The following PXDN variants were observed in gnomAD, a reference collection of about 807,000 sequenced individuals.
PXDN encodes peroxidasin homolog.
PXDN carries 77 observed loss-of-function variants against 140.3 expected under a neutral mutation model. That is an observed-to-expected ratio of 0.55 (90% confidence interval 0.46 to 0.66). The LOEUF (loss-of-function observed/expected upper bound fraction) is 0.66. PXDN is among the 30% of genes least tolerant of loss of function. The pLI is 0.00. For missense variants in PXDN, 1,838 were observed against 2,039.5 expected (o/e 0.90, Z 1.90); for synonymous variants, 911 against 857.4 (o/e 1.06, Z -1.09).
rs755687776 is a variant in PXDN at position 1,663,671 on chromosome 2, C to G, written c.1501G>C (p.Glu501Gln). The G allele has an allele frequency of 6.2e-7, 1 of 1,613,900 alleles. No individual in the cohort carries two copies. The highest frequency in any genetic ancestry group is 1.1e-5 in the South Asian group (1 of 91,094). Residue 501 changes from glutamate to glutamine, a missense_variant, in exon 12 of 23, where the codon GAA (glutamate) becomes CAA (glutamine). Glu to Gln is a conservative substitution (Grantham distance 29). Coordinates refer to ENST00000252804, the MANE Select transcript of PXDN (RefSeq NM_012293.3). ...GVALHDQGQY[E>Q]CQAVNIIGSQ... is the part of the protein sequence containing the mutation. ...CCGATGATGTTGACAGCCTGGCATTCGTACTGGCCCTGGTCGTGGAGGGCA... is the reference window on the plus strand; with the variant it reads ...CCGATGATGTTGACAGCCTGGCATTGGTACTGGCCCTGGTCGTGGAGGGCA...
At chr2:1,663,821 TCA>T in intron 11 of PXDN, 58 bp from the exon 12 acceptor site, 1 of 1,578,054 alleles carries the variant, frequency 6.3e-7, no homozygotes, top group East Asian at 2.2e-5. Context: ...ACTCCTGCTC[TCA>T]GACTGACAGC....
rs1232587395 is a variant in PXDN, at chr2:1,635,466, T to C, written c.4262A>G (p.Glu1421Gly). ...STTECVDAGGESHANNTKWKK... is the reference protein window; with the variant it reads ...STTECVDAGGGSHANNTKWKK... ...CCACTTGGTGTTGTTGGCGTGAGAT[T>C]CGCCCCCGGCATCCACGCACTCTGT... The change falls in exon 22 of 23, where the codon GAA (glutamate) becomes GGA (glycine). Residue 1421 changes from glutamate to glycine, a missense_variant. Transcript: ENST00000252804. The C allele has an allele frequency of 1.2e-6, 2 of 1,602,910 alleles. No individual in the cohort carries two copies. Among genetic ancestry groups the C allele is most frequent in the Admixed American group, 1.7e-5 (1 of 58,450 alleles).
intron 1 of PXDN, among the ~76,000 whole-genome samples, chr2:1,720,719 C>CTGCATCTCTT (rs1685028451): frequency 4.4e-4 from 10 of 22,656 alleles, no homozygotes; most frequent in East Asian, 1.6e-3. Flanking sequence ...CTCTCTCTCT[C>CTGCATCTCTT]TCTCTCACAC....
rs961596144 is a variant in PXDN at position 1,634,064 on chromosome 2, T to G, written c.*140A>C. 17 of 1,346,996 alleles carry G rather than the reference T, an allele frequency of 1.3e-5. No homozygotes were observed. The African/African-American group carries it at 2.3e-4, about 18-fold the overall frequency. 83.4% of individuals were successfully genotyped at this position (1,346,996 alleles called of 1,614,324 possible). ...GTTGGAAGCCTCCTGCACTGCCTTC[T>G]GTAACAGCACCAGCTGGACGTTGTC... On this transcript the variant is annotated 3_prime_UTR_variant, in exon 23 of 23. Coordinates refer to ENST00000252804, the MANE Select transcript of PXDN (RefSeq NM_012293.3).
intron 6 of PXDN, among the ~76,000 whole-genome samples, chr2:1,681,150 C>A (rs1020174418): frequency 2.0e-5 from 3 of 152,084 alleles, no homozygotes; most frequent in Admixed American, 6.6e-5. Context: ...GGCCTGTGCA[C>A]TGGGAGGGGT....
Position 1,648,296 on chromosome 2 carries a change from C to A in PXDN, c.3484G>T (p.Gly1162Cys). 1 of 1,613,902 alleles carries A rather than the reference C, an allele frequency of 6.2e-7. No homozygotes were observed. Among genetic ancestry groups the A allele is most frequent in the Non-Finnish European group, 8.5e-7 (1 of 1,179,880 alleles). The change falls in exon 17 of 23, where the codon GGC becomes TGC. Residue 1162 changes from glycine to cysteine, a missense_variant. Around this residue, in one of 5 missense-constraint regions of PXDN, gnomAD observed 850 missense variants for 894.1 expected, o/e 0.95. Transcript: ENST00000252804. This position sits in a 1 kb window ranked among gnomAD's most constrained non-coding sequence, Gnocchi z 8.9. ...LDLAAINIQR[G>C]RDHGIPPYHD... is the part of the protein sequence containing the mutation. ...TAGGGTGGGATCCCGTGGTCCCGGC[C>A]CCGCTGGATGTTGATGGCCGCCAGG...
At chr2:1,741,378 C>G (rs1685539721) in intron 1 of PXDN, among the ~76,000 whole-genome samples, 1 of 152,154 alleles carries the variant, frequency 6.6e-6, no homozygotes, top group Non-Finnish European at 1.5e-5. Flanking sequence ...AGGGGAGGCG[C>G]TCTGCAGGAG....
chr2:1,636,239 C>G (rs1325051052), intron 21 of PXDN: 1 of 153,750 alleles, frequency 6.5e-6, no homozygotes, highest in African/African-American at 2.4e-5. Flanking sequence ...GCATTTGAAC[C>G]TAAACTGTCT....
At chr2:1,674,169 C>T (rs1356199309) in intron 8 of PXDN, among the ~76,000 whole-genome samples, 1 of 152,158 alleles carries the variant, frequency 6.6e-6, no homozygotes, top group Non-Finnish European at 1.5e-5. Flanking sequence ...AGGGTAGAAA[C>T]ATTTTTACAT....
chr2:1,639,596 G>A lies in PXDN; in HGVS notation c.3953-174C>T, dbSNP rs1682666961. On this transcript the variant is annotated intron_variant, in intron 19 of 22. Transcript: ENST00000252804. This position sits in a 1 kb window ranked among gnomAD's most constrained non-coding sequence, Gnocchi z 5.0. ...CGGCTCTTACCCTCTCCTGGTCTGAGGGGCCAAGCCTCTCTCCACCTGTGC... is the reference window on the plus strand; with the variant it reads ...CGGCTCTTACCCTCTCCTGGTCTGAAGGGCCAAGCCTCTCTCCACCTGTGC... Among the ~76,000 whole-genome samples the A allele has an allele frequency of 6.6e-6, 1 of 151,886 alleles. No individual in the cohort carries two copies. The highest frequency in any genetic ancestry group is 1.5e-5 in the Non-Finnish European group (1 of 68,026).
chr2:1,741,762 C>T (rs958336635), intron 1 of PXDN, among the ~76,000 whole-genome samples: 1 of 152,102 alleles, frequency 6.6e-6, no homozygotes, highest in Non-Finnish European at 1.5e-5. Context: ...AGTATATTCC[C>T]AATTTCTACC....
At chr2:1,653,009 T>G (rs1683049738) in intron 16 of PXDN, 1 of 177,258 alleles carries the variant, frequency 5.6e-6, no homozygotes. Flanking sequence ...AATGATGTTT[T>G]TACATGAGAA....
rs568921272 is a variant in PXDN, at chr2:1,685,569, G to T, written c.417-1418C>A. ...GGCTTCAGTGCAGGCAGGCAGGGGT[G>T]GAGTCCCCCAAGCAAAGCCCAGAAG... On this transcript the variant is annotated intron_variant, in intron 4 of 22. Coordinates refer to ENST00000252804, the MANE Select transcript of PXDN (RefSeq NM_012293.3). This position sits in a 1 kb window ranked among gnomAD's most constrained non-coding sequence, Gnocchi z 5.1. Among the ~76,000 whole-genome samples the T allele has an allele frequency of 1.6e-3, 236 of 152,194 alleles. No homozygotes were observed. Among genetic ancestry groups the T allele is most frequent in the Non-Finnish European group, 2.7e-3 (183 of 68,008 alleles).
chr2:1,724,746 G>A (rs192365778), intron 1 of PXDN, among the ~76,000 whole-genome samples: 208 of 152,242 alleles, frequency 1.4e-3, no homozygotes, highest in African/African-American at 4.7e-3. Flanking sequence ...GTACTATAAT[G>A]TTTTAATTAT....
intron 14 of PXDN, among the ~76,000 whole-genome samples, chr2:1,659,354 A>T (rs1683250680): frequency 1.3e-5 from 2 of 152,222 alleles, no homozygotes; most frequent in Admixed American, 6.5e-5. Flanking sequence ...CAGAGCCCAA[A>T]TTTACTAATT....
rs34475212 is a variant in PXDN, at chr2:1,724,312, G to GTTT, written c.200+19941_200+19943dup. ...TTATTTAAAGTAAGTCTGAATTTCC[G>GTTT]TTTTTTTTTTTTTTTGGTCAGAAAG... On this transcript the variant is annotated intron_variant, in intron 1 of 22. Coordinates refer to ENST00000252804, the MANE Select transcript of PXDN (RefSeq NM_012293.3). 2.7e-3 allele frequency among the ~76,000 whole-genome samples: 378 copies of GTTT among 139,904 alleles called. 4 individuals are homozygous for GTTT. Among genetic ancestry groups the GTTT allele is most frequent in the African/African-American group, 7.8e-3 (295 of 37,918 alleles). The allele number at this position is 139,904 out of a possible 152,430, so 91.8% of individuals were successfully genotyped here. A position where few individuals can be genotyped will look rare whatever the true frequency, so the allele number is the denominator to read the frequency against.
chr2:1,743,044 A>G (rs1290131030), intron 1 of PXDN, among the ~76,000 whole-genome samples: 2 of 152,240 alleles, frequency 1.3e-5, no homozygotes, highest in Admixed American at 6.5e-5. Context: ...AAAAGTCGCT[A>G]CAGGACTAAA....
rs777987702 is a variant in PXDN at position 1,648,125 on chromosome 2, C to T, written c.3608+47G>A. 7 of 1,577,524 alleles carry T rather than the reference C, an allele frequency of 4.4e-6. No individual in the cohort carries two copies. The South Asian group carries it at 8.2e-5, about 18-fold the overall frequency. ...CACACACACCACAGTTCAGGTGTTC[C>T]AGGTGCCTAGGTACACGAGCCATCC... On this transcript the variant is annotated intron_variant, in intron 17 of 22. Coordinates refer to ENST00000252804, the MANE Select transcript of PXDN (RefSeq NM_012293.3). The surrounding 1 kb of genome is among the most constrained non-coding windows in gnomAD (Gnocchi z 8.9).
In PXDN at chr2:1,649,598, G is replaced by T. The variant is rs781199179; in HGVS notation, c.2182C>A (p.Arg728Ser). The change falls in exon 17 of 23, where the codon CGC becomes AGC. Residue 728 changes from arginine to serine, a missense_variant. This residue lies in a region of PXDN where 537 missense variants were observed against 583.9 expected (regional missense o/e 0.92). Transcript: ENST00000252804. The surrounding 1 kb of genome is among the most constrained non-coding windows in gnomAD (Gnocchi z 7.1). ...ANLSGCTAHR[R>S]VNNCSDMCFH... ...CACATGTCCGAGCAGTTGTTCACGCGCCGGTGGGCGGTACAGCCCGACAGG... is the reference window on the plus strand; with the variant it reads ...CACATGTCCGAGCAGTTGTTCACGCTCCGGTGGGCGGTACAGCCCGACAGG... 3 of 1,613,904 alleles carry T rather than the reference G, an allele frequency of 1.9e-6. No individual in the cohort carries two copies. The highest frequency in any genetic ancestry group is 3.3e-5 in the Admixed American group (2 of 60,012).
Sources: allele counts gnomAD v4.1 joint callset (sites outside exome capture counted in the v4.1 genomes callset), GRCh38; gene constraint gnomAD v4.1.1; regional missense constraint gnomAD v4.1.1; non-coding constraint Gnocchi (gnomAD v3.1); transcripts MANE v1.5; gene names NCBI Gene and HGNC (gene_info 2026-07-23, HGNC 2026-07-21).